ADGRD2: variants seen among roughly 807,000 people sequenced by gnomAD.
ADGRD2 encodes the protein adhesion G protein-coupled receptor D2.
Under a neutral mutation model 44.4 loss-of-function variants are expected in ADGRD2, and 71 were observed. The observed-to-expected ratio is 1.60, with a 90% CI of 1.32 to 1.95. The LOEUF (loss-of-function observed/expected upper bound fraction) is 1.95, where lower values mean the gene tolerates loss of function less well. ADGRD2 is among the 30% of genes most tolerant of loss of function. ADGRD2 has a pLI of 0.00. For synonymous variants in ADGRD2, 481 were observed against 224.8 expected, an observed-to-expected ratio of 2.14 and a Z score of -10.19; for missense variants, 1,039 against 512.4, an observed-to-expected ratio of 2.03 and a Z score of -9.92.
chr9:124,464,780 C>G (rs200152263), intron 10 of ADGRD2, among the ~76,000 whole-genome samples: 1 of 149,058 alleles, frequency 6.7e-6, no homozygotes, highest in African/African-American at 2.5e-5. Context: ...AAGTTCACTG[C>G]ATGTTTGCTC....
At position 124,458,246 on chromosome 9, in the gene ADGRD2, C is replaced by T. The variant is rs944515291; in HGVS notation, c.1764+10C>T. ...CAAACAGGGTGCAGAGGTGAGTAGG[C>T]GCCACCTGGAGGGCTGTGAGGGCCT... On this transcript the variant is annotated intron_variant, in intron 9 of 21. Coordinates refer to ENST00000334810, the Ensembl canonical transcript of ADGRD2. The T allele has an allele frequency of 1.3e-5, 9 of 718,174 alleles. No homozygotes were observed. The highest frequency in any genetic ancestry group is 5.2e-5 in the African/African-American group (3 of 57,342). The allele number at this position is 718,174 out of a possible 1,614,324, so 44.5% of individuals were successfully genotyped here. A position where few individuals can be genotyped will look rare whatever the true frequency, so the allele number is the denominator to read the frequency against.
At chr9:124,471,397 C>T (rs1831943213) in intron 17 of ADGRD2, among the ~76,000 whole-genome samples, 1 of 152,140 alleles carries the variant, frequency 6.6e-6, no homozygotes, top group African/African-American at 2.4e-5. Context: ...AAGTCAGGTG[C>T]GAACTCCACC....
exon 1 of ADGRD2, chr9:124,452,127 G>C (rs1427123753): frequency 4.2e-6 from 3 of 716,416 alleles, no homozygotes; most frequent in Non-Finnish European, 7.8e-6. Context: ...CAACTCCCCA[G>C]GTGAATCAAG....
At chr9:124,469,495 C>G (rs1570580) in exon 16 of ADGRD2, 351,810 of 717,956 alleles carry the variant, frequency 0.49, 90,295 homozygotes, top group East Asian at 0.82. Context: ...CCGCCGTGCC[C>G]GCATGTTGAG....
exon 17 of ADGRD2, chr9:124,470,588 G>C (rs376234772): frequency 1.4e-6 from 1 of 707,856 alleles, no homozygotes; most frequent in Non-Finnish European, 2.6e-6. Context: ...CTGGGCCTAC[G>C]CTGCCGTGGG....
Position 124,454,164 on chromosome 9 carries a change from A to AG in ADGRD2, c.1022+72dup. ...CCGGTGTGGACCGGAGTAGACTGAG[A>AG]GGGGGTGAGCTGCTGGCAAAGTCTG... On this transcript the variant is annotated intron_variant, in intron 4 of 21. Coordinates refer to ENST00000334810, the Ensembl canonical transcript of ADGRD2. The surrounding 1 kb of genome is among the most constrained non-coding windows in gnomAD (Gnocchi z 4.5). The AG allele has an allele frequency of 1.6e-6, 1 of 614,080 alleles. No individual in the cohort carries two copies. Among genetic ancestry groups the AG allele is most frequent in the East Asian group, 2.8e-5 (1 of 36,130 alleles). 38.0% of individuals were successfully genotyped at this position (614,080 alleles called of 1,614,324 possible).
intron 17 of ADGRD2, among the ~76,000 whole-genome samples, chr9:124,472,843 C>T (rs1564143828): frequency 6.6e-6 from 1 of 152,232 alleles, no homozygotes; most frequent in Non-Finnish European, 1.5e-5. Context: ...GCCTCTCCAT[C>T]TCCCTGTGCA....
intron 17 of ADGRD2, among the ~76,000 whole-genome samples, chr9:124,474,080 A>G (rs1042273547): frequency 4.6e-5 from 7 of 152,142 alleles, no homozygotes; most frequent in African/African-American, 1.4e-4. Context: ...GTTCGAGACC[A>G]GCCTGACCAA....
At chr9:124,464,993 G>C (rs573526105) in intron 10 of ADGRD2, among the ~76,000 whole-genome samples, 1 of 152,264 alleles carries the variant, frequency 6.6e-6, no homozygotes, top group African/African-American at 2.4e-5. Flanking sequence ...GGAGAGGAGA[G>C]GCGCAGTTGC....
chr9:124,469,022 A>G (rs1224841991), intron 14 of ADGRD2, among the ~76,000 whole-genome samples, 200 bp from the exon 18 acceptor site: 1 of 152,094 alleles, frequency 6.6e-6, no homozygotes, highest in African/African-American at 2.4e-5. Flanking sequence ...AAGCAGCCTC[A>G]GCTCTCCCGA....
chr9:124,451,997 G>GCCCCCCCCCCCCCC, upstream of ADGRD2: 8 of 360,934 alleles, frequency 2.2e-5, no homozygotes, highest in South Asian at 8.3e-5. Flanking sequence ...TCCACTGAAT[G>GCCCCCCCCCCCCCC]CCCCCCTCCC....
Position 124,467,855 on chromosome 9 carries a change from G to A in ADGRD2, c.2130+31G>A, listed in dbSNP as rs1442598523. On this transcript the variant is annotated intron_variant, in intron 12 of 21. Coordinates refer to ENST00000334810, the Ensembl canonical transcript of ADGRD2. ...GAGAGTTCACCACTGTAGCCTGGTGGCCTGGGCCCTCCCGCCTCGCTCAGG... is the reference window on the plus strand; with the variant it reads ...GAGAGTTCACCACTGTAGCCTGGTGACCTGGGCCCTCCCGCCTCGCTCAGG... 3 of 717,686 alleles carry A rather than the reference G, an allele frequency of 4.2e-6. No homozygotes were observed. In the Admixed American group the frequency reaches 6.0e-5, roughly 14 times the overall value. The allele number at this position is 717,686 out of a possible 1,614,324, so 44.5% of individuals were successfully genotyped here. A position where few individuals can be genotyped will look rare whatever the true frequency, so the allele number is the denominator to read the frequency against.
rs144057386 is a variant in ADGRD2 at position 124,470,320 on chromosome 9, G to C, written c.2638-174G>C. Among the ~76,000 whole-genome samples, 11 of 152,282 alleles carry C rather than the reference G, an allele frequency of 7.2e-5. No individual in the cohort carries two copies. The East Asian group carries it at 1.4e-3, about 19-fold the overall frequency. On this transcript the variant is annotated intron_variant, in intron 16 of 21. Coordinates refer to ENST00000334810, the Ensembl canonical transcript of ADGRD2. ...GCCACCTCTGTCTCTGAGAACAGGG[G>C]GGGCAACAAAGTCCAGTCAAAGGTT... is the stretch of plus-strand genomic sequence containing the variant.
chr9:124,451,598 T>G (rs943144865), upstream of ADGRD2: 6 of 280,046 alleles, frequency 2.1e-5, no homozygotes, highest in African/African-American at 4.5e-5. Flanking sequence ...CCTGCGACTT[T>G]TTTTTCCTCA....
exon 12 of ADGRD2, chr9:124,467,785 G>A (rs947010346): frequency 3.9e-5 from 28 of 718,390 alleles, no homozygotes; most frequent in Admixed American, 8.0e-5. Context: ...GTGTCCTTCT[G>A]CGCCCTCACC....
chr9:124,474,223 C>T (rs1474374576), intron 17 of ADGRD2, among the ~76,000 whole-genome samples: 3 of 140,476 alleles, frequency 2.1e-5, no homozygotes, highest in Non-Finnish European at 3.0e-5. Context: ...TGCAGTGAGC[C>T]GAAATTGTGC....
chr9:124,456,650 C>T (rs753371358), exon 7 of ADGRD2: 56 of 717,904 alleles, frequency 7.8e-5, no homozygotes, highest in Middle Eastern at 4.6e-4. Context: ...GCCCTGGTGG[C>T]GAGTGTGCAG....
At chr9:124,453,490 C>T (rs1451839371) in exon 3 of ADGRD2, 1 of 700,896 alleles carries the variant, frequency 1.4e-6, no homozygotes. Flanking sequence ...CTTCTCGGTG[C>T]GTCACGCCCT....
At chr9:124,467,694 G>A (rs929680154) in intron 11 of ADGRD2, 27 bp from the exon 15 acceptor site, 1 of 717,532 alleles carries the variant, frequency 1.4e-6, no homozygotes. Flanking sequence ...GGTGGTGCCA[G>A]GGGGGTTTCT....
Sources: gnomAD v4.1 joint callset for allele counts (sites outside exome capture counted in the v4.1 genomes callset) on GRCh38, gnomAD v4.1.1 for gene constraint, Gnocchi (gnomAD v3.1) non-coding constraint, MANE v1.5 for transcripts, NCBI Gene and HGNC (gene_info 2026-07-23, HGNC 2026-07-21) for gene names.